PALLD: variants seen among roughly 807,000 people sequenced by gnomAD.
PALLD encodes the protein palladin, cytoskeletal associated protein.
PALLD carries 61 observed loss-of-function variants against 123.5 expected under a neutral mutation model. That is an observed-to-expected ratio of 0.49 (90% CI 0.40 to 0.61). The LOEUF (loss-of-function observed/expected upper bound fraction) is 0.61. Ranked by LOEUF, PALLD falls within the 20% of genes least tolerant of loss-of-function variation. The pLI is 0.00. For synonymous variants in PALLD, 465 were observed against 496.4 expected (o/e 0.94, Z 0.84); for missense variants, 1,273 against 1,377.0 (o/e 0.92, Z 1.20).
At chr4:168,763,167 A>G (rs1238673970) in intron 10 of PALLD, among the ~76,000 whole-genome samples, 5 of 152,252 alleles carry the variant, frequency 3.3e-5, no homozygotes, top group African/African-American at 7.2e-5. Context: ...AAGGTAAAGT[A>G]TAACTTTAAA....
intron 2 of PALLD, among the ~76,000 whole-genome samples, chr4:168,666,273 G>A (rs28406404): frequency 0.089 from 13,575 of 152,156 alleles, 662 homozygotes; most frequent in African/African-American, 0.12. Context: ...TTTTCCCCCA[G>A]TAGGTGGTTT....
chr4:168,510,735 C>T (rs922083749), intron 1 of PALLD, among the ~76,000 whole-genome samples: 17 of 152,176 alleles, frequency 1.1e-4, no homozygotes, highest in African/African-American at 3.6e-4. Context: ...CACAGTCATG[C>T]TCATTCATTT....
At chr4:168,604,610 T>C (rs746600543) in intron 2 of PALLD, among the ~76,000 whole-genome samples, 2 of 152,244 alleles carry the variant, frequency 1.3e-5, no homozygotes, top group South Asian at 4.1e-4. Context: ...TTAAGTTTGT[T>C]ATGTTGCAAT....
chr4:168,764,933 C>T lies in PALLD; in HGVS notation c.1964+53010C>T, dbSNP rs530153548. ...TTCACTTAAAGCCTCACTTTTGCAT[C>T]GGATAACTTTTTCTCATTTGAATCG... On this transcript the variant is annotated intron_variant, in intron 10 of 21. Transcript: ENST00000505667. Among the ~76,000 whole-genome samples the T allele has an allele frequency of 5.3e-5, 8 of 152,234 alleles. No individual in the cohort carries two copies. In the South Asian group the frequency reaches 8.3e-4, roughly 16 times the overall value.
At chr4:168,518,092 A>G (rs1415825329) in intron 2 of PALLD, among the ~76,000 whole-genome samples, 2 of 152,030 alleles carry the variant, frequency 1.3e-5, no homozygotes, top group African/African-American at 4.8e-5. Context: ...ACAAAAGACA[A>G]CCCTCCTTCC....
chr4:168,835,306 T>C (rs981024372), intron 10 of PALLD, among the ~76,000 whole-genome samples: 2 of 152,126 alleles, frequency 1.3e-5, no homozygotes, highest in Non-Finnish European at 2.9e-5. Flanking sequence ...TACAAGTAAA[T>C]GGGGAAAATA....
chr4:168,870,908 C>T (rs920848345), intron 10 of PALLD, among the ~76,000 whole-genome samples: 1 of 152,088 alleles, frequency 6.6e-6, no homozygotes, highest in African/African-American at 2.4e-5. Flanking sequence ...TTGCTGAATG[C>T]CATAGAGCTT....
intron 2 of PALLD, among the ~76,000 whole-genome samples, chr4:168,596,450 A>G: frequency 6.6e-6 from 1 of 152,014 alleles, no homozygotes; most frequent in East Asian, 1.9e-4. Flanking sequence ...GAAAGAACCA[A>G]ATGTGTTTCT....
chr4:168,519,509 T>G (rs1291774852), intron 2 of PALLD, among the ~76,000 whole-genome samples: 1 of 83,566 alleles, frequency 1.2e-5, no homozygotes, highest in East Asian at 4.7e-4. Flanking sequence ...TTTTAGAGCT[T>G]TTTAAAATGT....
chr4:168,906,401 C>T (rs1041596715), intron 15 of PALLD, among the ~76,000 whole-genome samples: 1 of 152,156 alleles, frequency 6.6e-6, no homozygotes, highest in Non-Finnish European at 1.5e-5. Context: ...TGACTCAGTG[C>T]TCATGGCCAA....
At chr4:168,845,050 G>A (rs1463687622) in intron 10 of PALLD, among the ~76,000 whole-genome samples, 1 of 59,384 alleles carries the variant, frequency 1.7e-5, no homozygotes, top group Non-Finnish European at 3.0e-5. Flanking sequence ...CTGAAGCTGG[G>A]TAGAGAAGCT....
At chr4:168,696,883 C>T (rs141794343) in intron 8 of PALLD, among the ~76,000 whole-genome samples, 79 of 152,166 alleles carry the variant, frequency 5.2e-4, no homozygotes, top group African/African-American at 6.5e-4. Flanking sequence ...AAAGAAGCGG[C>T]GAGAGACAGG....
intron 10 of PALLD, among the ~76,000 whole-genome samples, chr4:168,855,089 C>CTTTT (rs11338063): frequency 0.12 from 12,620 of 103,872 alleles, 2,774 homozygotes; most frequent in African/African-American, 0.4. Flanking sequence ...AAGGAATGTT[C>CTTTT]TTTTTTTTTT....
At chr4:168,585,589 G>T (rs1308172258) in intron 2 of PALLD, among the ~76,000 whole-genome samples, 2 of 152,112 alleles carry the variant, frequency 1.3e-5, no homozygotes, top group Non-Finnish European at 2.9e-5. Flanking sequence ...AACAGAGGGG[G>T]GCCTGGGATC....
intron 14 of PALLD, among the ~76,000 whole-genome samples, chr4:168,901,491 G>T (rs963194749): frequency 7.2e-5 from 11 of 152,142 alleles, no homozygotes; most frequent in Non-Finnish European, 5.9e-5. Context: ...AATAACTCAA[G>T]AACTGGCATT....
At chr4:168,556,811 A>G (rs1273972296) in intron 2 of PALLD, among the ~76,000 whole-genome samples, 1 of 152,218 alleles carries the variant, frequency 6.6e-6, no homozygotes, top group Non-Finnish European at 1.5e-5. Context: ...GGCTGCCCCG[A>G]TGTCTCTTTG....
Position 168,711,704 on chromosome 4 carries a change from C to T in PALLD, c.1745C>T (p.Ser582Phe). 1.2e-6 allele frequency: 2 copies of T among 1,614,138 alleles called. No individual in the cohort carries two copies. Among genetic ancestry groups the T allele is most frequent in the Non-Finnish European group, 1.7e-6 (2 of 1,179,978 alleles). Reference protein sequence around the residue: ...SSLELASKKPSEIQQVNNPEL... With the variant: ...SSLELASKKPFEIQQVNNPEL... ...TTGGAGTTGGCTTCAAAGAAACCAT[C>T]TGAGATCCAGCAGGTGAACAACCCT... is the stretch of plus-strand genomic sequence containing the variant. The change falls in exon 10 of 22, where the codon TCT (serine) becomes TTT (phenylalanine). Residue 582 changes from serine (S) to phenylalanine (F), a missense_variant. Coordinates refer to ENST00000505667, the MANE Select transcript of PALLD (RefSeq NM_001166108.2).
intron 2 of PALLD, among the ~76,000 whole-genome samples, chr4:168,618,515 C>T (rs901046017): frequency 2.0e-5 from 3 of 152,088 alleles, no homozygotes; most frequent in East Asian, 3.9e-4. Context: ...AATAATATAT[C>T]GAAGCATCTA....
intron 10 of PALLD, among the ~76,000 whole-genome samples, chr4:168,770,949 A>G (rs1232809795): frequency 6.6e-6 from 1 of 151,974 alleles, no homozygotes; most frequent in Non-Finnish European, 1.5e-5. Flanking sequence ...AGTCCCAACT[A>G]CTTGAGAGGC....
Sources: allele counts gnomAD v4.1 joint callset (sites outside exome capture counted in the v4.1 genomes callset), GRCh38; gene constraint gnomAD v4.1.1; transcripts MANE v1.5; gene names NCBI Gene and HGNC (gene_info 2026-07-23, HGNC 2026-07-21).